Variants in CDH20 observed in about 807,000 individuals in gnomAD.
CDH20 encodes cadherin 20, also known as cadherin-20.
A neutral mutation model predicts 74.2 loss-of-function variants in CDH20; 29 were observed. That is an observed-to-expected ratio of 0.39 (90% CI 0.29 to 0.53). The LOEUF (loss-of-function observed/expected upper bound fraction) is 0.53. Among genes scored for constraint, CDH20 ranks in the 20% least tolerant of loss-of-function variants. The probability of loss-of-function intolerance (pLI) is 0.69; values close to 1 mark genes in which losing one functional copy is unlikely to be tolerated. For missense variants in CDH20, 988 were observed against 1,048.3 expected (o/e 0.94, Z 0.79); for synonymous variants, 469 against 405.4 (o/e 1.16, Z -1.88).
chr18:61,401,680 T>C (rs560162534), intron 1 of CDH20, among the ~76,000 whole-genome samples: 15 of 152,332 alleles, frequency 9.8e-5, no homozygotes, highest in African/African-American at 3.4e-4. Context: ...CATGGTAACA[T>C]CTATTTCAAA....
At chr18:61,552,533 G>A (rs1913472150) in intron 11 of CDH20, among the ~76,000 whole-genome samples, 1 of 151,910 alleles carries the variant, frequency 6.6e-6, no homozygotes, top group Admixed American at 6.6e-5. Flanking sequence ...TTGCTTCCTA[G>A]CGTTATCCAA....
At chr18:61,545,539 G>C (rs918299426) in intron 10 of CDH20, among the ~76,000 whole-genome samples, 14 of 152,128 alleles carry the variant, frequency 9.2e-5, no homozygotes, top group Non-Finnish European at 2.1e-4. Context: ...ACACTGCAAA[G>C]CACAGAGGCA....
intron 1 of CDH20, chr18:61,391,786 A>G (rs1490079165): frequency 6.6e-6 from 1 of 152,200 alleles, no homozygotes; most frequent in Non-Finnish European, 1.5e-5. Flanking sequence ...TAATAATCCA[A>G]TAAAAAATGA....
chr18:61,410,213 G>A lies in CDH20; in HGVS notation c.-153+76386G>A, dbSNP rs533020499. On this transcript the variant is annotated intron_variant, in intron 1 of 11. Transcript: ENST00000262717. Reference sequence around the variant, plus strand: ...CATGAGCCATTTCTAAAACACACAGGTCTCCTAACATGAGCACATTAAACT... The same window carrying A: ...CATGAGCCATTTCTAAAACACACAGATCTCCTAACATGAGCACATTAAACT... Among the ~76,000 whole-genome samples, 7 of 152,070 alleles carry A rather than the reference G, an allele frequency of 4.6e-5. No homozygotes were observed. The South Asian group carries it at 1.5e-3, about 32-fold the overall frequency.
At chr18:61,488,296 G>GA in intron 1 of CDH20, among the ~76,000 whole-genome samples, 1 of 152,110 alleles carries the variant, frequency 6.6e-6, no homozygotes, top group East Asian at 1.9e-4. Context: ...GTAGAGATCT[G>GA]AAAAATAACA....
intron 6 of CDH20, among the ~76,000 whole-genome samples, chr18:61,518,090 G>C (rs1421471574): frequency 6.6e-6 from 1 of 152,146 alleles, no homozygotes; most frequent in Admixed American, 6.5e-5. Context: ...TCTGTGCAGG[G>C]CATCTCTGAA....
intron 6 of CDH20, among the ~76,000 whole-genome samples, chr18:61,527,373 A>AGATAGATAGATAGATAGATGATT (rs71178978): frequency 4.0e-5 from 5 of 123,918 alleles, no homozygotes; most frequent in Non-Finnish European, 9.4e-5. Context: ...TCTAATAGAT[A>AGATAGATAGATAGATAGATGATT]GATAGATAGA....
chr18:61,393,278 G>A (rs1339400771), intron 1 of CDH20, among the ~76,000 whole-genome samples: 2 of 152,092 alleles, frequency 1.3e-5, no homozygotes, highest in Non-Finnish European at 2.9e-5. Flanking sequence ...CACAGTGCCT[G>A]CCAAATCCAG....
intron 1 of CDH20, among the ~76,000 whole-genome samples, chr18:61,376,990 T>C (rs1487890033): frequency 6.6e-6 from 1 of 152,184 alleles, no homozygotes; most frequent in East Asian, 1.9e-4. Flanking sequence ...GCTTAGCTGA[T>C]ACGACCAGAA....
chr18:61,540,823 G>T (rs563977943), intron 9 of CDH20, among the ~76,000 whole-genome samples: 1 of 152,134 alleles, frequency 6.6e-6, no homozygotes, highest in Non-Finnish European at 1.5e-5. Context: ...AGATGGACTC[G>T]ACGACACATC....
intron 1 of CDH20, among the ~76,000 whole-genome samples, chr18:61,420,399 C>T (rs1209231184): frequency 1.3e-5 from 2 of 150,722 alleles, no homozygotes; most frequent in South Asian, 2.1e-4. Flanking sequence ...GAGTGACCTC[C>T]GTGGGCCGGG....
Position 61,538,581 on chromosome 18 carries a change from T to TGC in CDH20, c.1409-443_1409-442insGC, listed in dbSNP as rs142450484. On this transcript the variant is annotated intron_variant, in intron 8 of 11. Coordinates refer to ENST00000262717, the MANE Select transcript of CDH20 (RefSeq NM_031891.4). ...AGACTCACCAAGTAAATAACTACTT[T>TGC]TTGTTTGTTTGTTTGTTTTTGTTTT... 4.2e-5 allele frequency among the ~76,000 whole-genome samples: 2 copies of TGC among 47,684 alleles called. 1 individual carries two copies. The highest frequency in any genetic ancestry group is 8.8e-5 in the Non-Finnish European group (2 of 22,654). 31.3% of individuals were successfully genotyped at this position (47,684 alleles called of 152,430 possible). A position where few individuals can be genotyped will look rare whatever the true frequency, so the allele number is the denominator to read the frequency against.
chr18:61,387,035 A>G (rs1446118860), intron 1 of CDH20, among the ~76,000 whole-genome samples: 1 of 152,248 alleles, frequency 6.6e-6, no homozygotes, highest in Non-Finnish European at 1.5e-5. Context: ...GAAAGTGCCT[A>G]AATTAATAGT....
chr18:61,529,477 A>T (rs937426612), intron 7 of CDH20, among the ~76,000 whole-genome samples: 7 of 152,172 alleles, frequency 4.6e-5, no homozygotes, highest in Admixed American at 2.0e-4. Context: ...TTTTATTTGA[A>T]TTCTGATATT....
intron 1 of CDH20, among the ~76,000 whole-genome samples, chr18:61,405,441 A>AAAAATT (rs1288941291): frequency 6.6e-6 from 1 of 152,084 alleles, no homozygotes; most frequent in Non-Finnish European, 1.5e-5. Flanking sequence ...AAATAAAAAT[A>AAAAATT]AAACCCTAAA....
chr18:61,469,851 G>A (rs986498938), intron 1 of CDH20, among the ~76,000 whole-genome samples: 3 of 152,222 alleles, frequency 2.0e-5, no homozygotes, highest in Non-Finnish European at 2.9e-5. Flanking sequence ...CACCGAACAC[G>A]GGGAGAGGGA....
chr18:61,482,929 C>T (rs1213287669), intron 1 of CDH20, among the ~76,000 whole-genome samples: 2 of 152,210 alleles, frequency 1.3e-5, no homozygotes, highest in African/African-American at 4.8e-5. Flanking sequence ...CTCCCTCATC[C>T]CTCCTCAGTC....
At chr18:61,392,292 T>C (rs937253574) in intron 1 of CDH20, among the ~76,000 whole-genome samples, 21 of 151,880 alleles carry the variant, frequency 1.4e-4, no homozygotes, top group Non-Finnish European at 2.4e-4. Context: ...CTCTAGACCT[T>C]TATGCACTCA....
chr18:61,530,221 A>G (rs1300041849), intron 7 of CDH20, among the ~76,000 whole-genome samples: 1 of 152,210 alleles, frequency 6.6e-6, no homozygotes, highest in Non-Finnish European at 1.5e-5. Flanking sequence ...GCAACAAAGA[A>G]TGGTCCCTGG....
Sources: allele counts gnomAD v4.1 joint callset (sites outside exome capture counted in the v4.1 genomes callset), GRCh38; gene constraint gnomAD v4.1.1; transcripts MANE v1.5; gene names NCBI Gene and HGNC (gene_info 2026-07-23, HGNC 2026-07-21).